The following RYR1 variants were observed in gnomAD, a reference collection of about 807,000 sequenced individuals.
RYR1 encodes the protein ryanodine receptor 1, also known as central core disease of muscle.
In RYR1, 342 loss-of-function variants were observed where a neutral mutation model predicts 583.5. The observed-to-expected ratio is 0.59, with a 90% CI of 0.54 to 0.64. The LOEUF is 0.64. RYR1 is among the 30% of genes least tolerant of loss of function. The pLI, the probability that RYR1 is intolerant of heterozygous loss-of-function variation, is 0.00. For synonymous variants in RYR1, 2,791 were observed against 2,822.5 expected, an observed-to-expected ratio of 0.99 and a Z score of 0.35; for missense variants, 6,032 against 6,917.2, an observed-to-expected ratio of 0.87 and a Z score of 4.54.
At position 38,486,181 on chromosome 19, in the gene RYR1, C is replaced by G; in HGVS notation, c.5526C>G (p.Leu1842=). Residue 1842 remains leucine (L), a synonymous_variant, in exon 34 of 106, where the codon CTC becomes CTG. Transcript: ENST00000359596. The part of the protein sequence containing the change: ...GSVEFQFVPV[L]KLVSTLLVMG... ...TGGAGTTCCAGTTTGTGCCTGTGCT[C>G]AAGCTCGTGTCCACCCTGCTGGTAA... 1 of 1,612,944 alleles carries G rather than the reference C, an allele frequency of 6.2e-7. No homozygotes were observed. Among genetic ancestry groups the G allele is most frequent in the Non-Finnish European group, 8.5e-7 (1 of 1,179,928 alleles).
At chr19:38,488,278 T>C (rs1349738897) in intron 34 of RYR1, among the ~76,000 whole-genome samples, 1 of 152,106 alleles carries the variant, frequency 6.6e-6, no homozygotes, top group Non-Finnish European at 1.5e-5. Flanking sequence ...CATTTATCCT[T>C]CTCTCATCCA....
At chr19:38,505,986 G>T in intron 54 of RYR1, 40 bp downstream of exon 54, 1 of 1,601,652 alleles carries the variant, frequency 6.2e-7, no homozygotes, top group Non-Finnish European at 8.5e-7. Context: ...GGCACGATGG[G>T]GGGAGGGTCT....
At chr19:38,492,779 C>A in intron 38 of RYR1, 143 bp downstream of exon 38, 2 of 875,442 alleles carry the variant, frequency 2.3e-6, no homozygotes, top group Non-Finnish European at 3.4e-6. Flanking sequence ...GAGTGGCGGG[C>A]AAAGTGGAAG....
Position 38,483,766 on chromosome 19 carries a change from A to G in RYR1, c.4934+250A>G, listed in dbSNP as rs1237745392. ...GCAGGCCCACCCTAAGGGAACCCAG[A>G]CAATACCCCAAGGACCCAGACCCAC... is the stretch of plus-strand genomic sequence containing the variant. On this transcript the variant is annotated intron_variant, in intron 33 of 105. Transcript: ENST00000359596. This position sits in a 1 kb window ranked among gnomAD's most constrained non-coding sequence, Gnocchi z 6.3. Among the ~76,000 whole-genome samples the G allele has an allele frequency of 2.0e-5, 3 of 151,926 alleles. No homozygotes were observed. Among genetic ancestry groups the G allele is most frequent in the Non-Finnish European group, 2.9e-5 (2 of 67,944 alleles).
intron 78 of RYR1, among the ~76,000 whole-genome samples, chr19:38,532,973 G>T (rs1429494973): frequency 2.0e-5 from 3 of 151,622 alleles, no homozygotes; most frequent in African/African-American, 4.8e-5. Context: ...CAGGCAGAGG[G>T]GTCAGGGCTG....
At position 38,473,561 on chromosome 19, in the gene RYR1, C is replaced by T. The variant is rs781145954; in HGVS notation, c.3950C>T (p.Pro1317Leu). ...TPLAPPGLQP[P>L]AEDEARAAEP... ...CTGGCACCTCCTGGCCTGCAGCCCC[C>T]CGCCGAGGACGAGGCCCGGGCGGCG... The change falls in exon 28 of 106, where the codon CCC becomes CTC. Residue 1317 changes from proline (P) to leucine (L), a missense_variant. By Grantham distance (98) the Pro-to-Leu change is moderately conservative. Coordinates refer to ENST00000359596, the MANE Select transcript of RYR1 (RefSeq NM_000540.3). 1.1e-5 allele frequency: 18 copies of T among 1,600,056 alleles called. No individual in the cohort carries two copies. The highest frequency in any genetic ancestry group is 8.0e-5 in the African/African-American group (6 of 74,710).
At chr19:38,448,262 T>C (rs945407056) in intron 9 of RYR1, 93 bp from the exon 10 acceptor site, 4 of 1,413,994 alleles carry the variant, frequency 2.8e-6, no homozygotes, top group Non-Finnish European at 2.9e-6. Flanking sequence ...CAAGACCTGG[T>C]TTCTGTAAAA....
At chr19:38,479,450 C>T (rs1968904192) in intron 31 of RYR1, among the ~76,000 whole-genome samples, 1 of 152,198 alleles carries the variant, frequency 6.6e-6, no homozygotes, top group African/African-American at 2.4e-5. Context: ...CTCTGTCCCC[C>T]AGGCTGGAGT....
At chr19:38,502,257 G>A (rs1970156350) in intron 47 of RYR1, among the ~76,000 whole-genome samples, 2 of 151,604 alleles carry the variant, frequency 1.3e-5, no homozygotes, top group South Asian at 2.1e-4. Flanking sequence ...CTGTAATGGG[G>A]TTCATTAATC....
chr19:38,445,172 C>A (rs1972877653), intron 7 of RYR1, among the ~76,000 whole-genome samples: 1 of 120,028 alleles, frequency 8.3e-6, no homozygotes. Flanking sequence ...AGGAGAATTG[C>A]TTGAACCTGG....
chr19:38,524,507 A>G (rs1345023345), intron 70 of RYR1, among the ~76,000 whole-genome samples: 1 of 152,194 alleles, frequency 6.6e-6, no homozygotes, highest in Non-Finnish European at 1.5e-5. Flanking sequence ...AGTGCCTGGC[A>G]CAGGGGTCAT....
chr19:38,448,919 G>A lies in RYR1; in HGVS notation c.1122+106G>A, dbSNP rs1305804669. ...TGATCATGCCACTGTACTCCAGCCT[G>A]GGTGACAGAGTGAGATGGGGTGCAG... is the stretch of plus-strand genomic sequence containing the variant. On this transcript the variant is annotated intron_variant, in intron 11 of 105. Coordinates refer to ENST00000359596, the MANE Select transcript of RYR1 (RefSeq NM_000540.3). 4.4e-6 allele frequency: 5 copies of A among 1,127,022 alleles called. No individual in the cohort carries two copies. The African/African-American group carries it at 4.6e-5, about 10-fold the overall frequency. The allele number at this position is 1,127,022 out of a possible 1,614,324, so 69.8% of individuals were successfully genotyped here. A position where few individuals can be genotyped will look rare whatever the true frequency, so the allele number is the denominator to read the frequency against.
chr19:38,466,379 G>T lies in RYR1; in HGVS notation c.3159G>T (p.Glu1053Asp). Residue 1053 changes from glutamate to aspartate, a missense_variant, in exon 24 of 106, where the codon GAG becomes GAT. By Grantham distance (45) the Glu-to-Asp change is conservative. Around this residue, in one of 11 missense-constraint regions of RYR1, gnomAD observed 2,627 missense variants for 2,961.3 expected, o/e 0.89. Transcript: ENST00000359596. ...TCCTGGGCTACGGCTACAACATCGAGCCTCCTGACCAGGAGCCCAGTGAGT... is the reference window on the plus strand; with the variant it reads ...TCCTGGGCTACGGCTACAACATCGATCCTCCTGACCAGGAGCCCAGTGAGT... ...RTLLGYGYNI[E>D]PPDQEPSQVE... 6.4e-7 allele frequency: 1 copy of T among 1,553,610 alleles called. No homozygotes were observed.
intron 29 of RYR1, among the ~76,000 whole-genome samples, chr19:38,476,521 C>T (rs558623669): frequency 1.9e-4 from 29 of 152,194 alleles, no homozygotes; most frequent in African/African-American, 2.6e-4. Flanking sequence ...TTGGTAGAAA[C>T]GGGGTTTCAC....
intron 95 of RYR1, 86 bp from the exon 96 acceptor site, chr19:38,573,091 C>T (rs1973796160): frequency 1.9e-6 from 3 of 1,594,342 alleles, no homozygotes; most frequent in African/African-American, 2.7e-5. Flanking sequence ...CACACACAGA[C>T]CCCAGCAAGA....
At chr19:38,492,381 A>AATG (rs1969589623) in intron 37 of RYR1, 109 bp from the exon 38 acceptor site, 1 of 1,223,578 alleles carries the variant, frequency 8.2e-7, no homozygotes, top group African/African-American at 1.6e-5. Context: ...AAAAAAAGGA[A>AATG]ATGAAAAACT....
At chr19:38,461,667 A>G (rs550895771) in intron 20 of RYR1, among the ~76,000 whole-genome samples, 2 of 143,986 alleles carry the variant, frequency 1.4e-5, no homozygotes, top group South Asian at 2.3e-4. Context: ...TCGAGGCTGC[A>G]GTGAGCTATG....
At position 38,500,372 on chromosome 19, in the gene RYR1, C is replaced by T. The variant is rs1970052179; in HGVS notation, c.7324-234C>T. 7.1e-6 allele frequency among the ~76,000 whole-genome samples: 1 copy of T among 140,848 alleles called. No individual in the cohort carries two copies. Among genetic ancestry groups the T allele is most frequent in the Admixed American group, 7.5e-5 (1 of 13,274 alleles). 92.4% of individuals were successfully genotyped at this position (140,848 alleles called of 152,430 possible). Reference sequence around the variant, plus strand: ...GGGGTCACAGGGATAGGGGTCGGGGCCAGGATGAGGGGTCGCAGGGAGAGG... The same window carrying T: ...GGGGTCACAGGGATAGGGGTCGGGGTCAGGATGAGGGGTCGCAGGGAGAGG... On this transcript the variant is annotated intron_variant, in intron 45 of 105. Coordinates refer to ENST00000359596, the MANE Select transcript of RYR1 (RefSeq NM_000540.3). This position sits in a 1 kb window ranked among gnomAD's most constrained non-coding sequence, Gnocchi z 5.9.
At chr19:38,487,626 A>G (rs1969359542) in intron 34 of RYR1, among the ~76,000 whole-genome samples, 1 of 151,034 alleles carries the variant, frequency 6.6e-6, no homozygotes, top group Admixed American at 6.6e-5. Flanking sequence ...TGCTGGAACT[A>G]TAGGCGTGAG....
Sources: gnomAD v4.1 joint callset for allele counts (sites outside exome capture counted in the v4.1 genomes callset) on GRCh38, gnomAD v4.1.1 for gene constraint, gnomAD v4.1.1 regional missense constraint, Gnocchi (gnomAD v3.1) non-coding constraint, MANE v1.5 for transcripts, NCBI Gene and HGNC (gene_info 2026-07-23, HGNC 2026-07-21) for gene names.